C1QTNF1: variants seen among roughly 807,000 people sequenced by gnomAD.
The protein encoded by C1QTNF1 is complement C1q tumor necrosis factor-related protein 1.
C1QTNF1 carries 22 observed loss-of-function variants against 27.8 expected under a neutral mutation model. That is an observed-to-expected ratio of 0.79 (90% CI 0.56 to 1.13). The LOEUF is 1.13. C1QTNF1 is among the 50% of genes most tolerant of loss of function. The probability of loss-of-function intolerance (pLI) is 0.00; values close to 1 mark genes in which losing one functional copy is unlikely to be tolerated. For missense variants in C1QTNF1, 373 were observed against 380.2 expected, an observed-to-expected ratio of 0.98 and a Z score of 0.16; for synonymous variants, 166 against 154.3, an observed-to-expected ratio of 1.08 and a Z score of -0.56.
intron 1 of C1QTNF1, among the ~76,000 whole-genome samples, chr17:79,025,393 G>T (rs941550095): frequency 6.6e-6 from 1 of 152,140 alleles, no homozygotes; most frequent in Non-Finnish European, 1.5e-5. Flanking sequence ...GAGGGAGGGA[G>T]GAAGCCGCCC....
Position 79,047,419 on chromosome 17 carries a change from C to G in C1QTNF1, c.296-119C>G, listed in dbSNP as rs978161989. Reference sequence around the variant, plus strand: ...GCTGGGGGCAGGAGTGAAGCTTCTGCCAGGTCAGGGCTGTGAGGACGAATC... The same window carrying G: ...GCTGGGGGCAGGAGTGAAGCTTCTGGCAGGTCAGGGCTGTGAGGACGAATC... On this transcript the variant is annotated intron_variant, in intron 3 of 3. Coordinates refer to ENST00000579760, the MANE Select transcript of C1QTNF1 (RefSeq NM_030968.5). 17 of 1,027,492 alleles carry G rather than the reference C, an allele frequency of 1.7e-5. No individual in the cohort carries two copies. In the African/African-American group the frequency reaches 2.7e-4, roughly 16 times the overall value. The allele number at this position is 1,027,492 out of a possible 1,614,324, so 63.6% of individuals were successfully genotyped here. A position where few individuals can be genotyped will look rare whatever the true frequency, so the allele number is the denominator to read the frequency against.
At chr17:79,026,861 A>G (rs2071977649) in intron 1 of C1QTNF1, among the ~76,000 whole-genome samples, 1 of 152,176 alleles carries the variant, frequency 6.6e-6, no homozygotes, top group African/African-American at 2.4e-5. Flanking sequence ...CCCCCTTTTC[A>G]GGGCAACCAG....
chr17:79,027,066 G>C (rs866858094), intron 1 of C1QTNF1, among the ~76,000 whole-genome samples: 2 of 138,544 alleles, frequency 1.4e-5, no homozygotes, highest in Middle Eastern at 3.6e-3. Flanking sequence ...GTCCTCAGGG[G>C]TCCCTGTTCC....
At position 79,047,748 on chromosome 17, in the gene C1QTNF1, C is replaced by T. The variant is rs765364165; in HGVS notation, c.506C>T (p.Thr169Met). 9 of 1,614,054 alleles carry T rather than the reference C, an allele frequency of 5.6e-6. No homozygotes were observed. Among genetic ancestry groups the T allele is most frequent in the South Asian group, 3.3e-5 (3 of 91,082 alleles). ...NHYYQTVIFD[T>M]EFVNLYDHFN... ...TACTACCAGACGGTGATCTTCGACA[C>T]GGAGTTCGTGAACCTCTACGACCAC... is the stretch of plus-strand genomic sequence containing the variant. Residue 169 changes from threonine (T) to methionine (M), a missense_variant, in exon 4 of 4, where the codon ACG becomes ATG. By Grantham distance (81) the Thr-to-Met change is moderately conservative (BLOSUM62 -1). Coordinates refer to ENST00000579760, the MANE Select transcript of C1QTNF1 (RefSeq NM_030968.5).
chr17:79,042,202 C>T (rs561583534), intron 1 of C1QTNF1, among the ~76,000 whole-genome samples: 5 of 152,340 alleles, frequency 3.3e-5, no homozygotes, highest in African/African-American at 7.2e-5. Context: ...CTGTGCCCCT[C>T]GGTGGGGAGG....
chr17:79,025,633 C>T, intron 1 of C1QTNF1: 1 of 157,430 alleles, frequency 6.4e-6, no homozygotes, highest in Non-Finnish European at 1.4e-5. Context: ...CCCTGGCAGG[C>T]CGTGCAGCCA....
chr17:79,044,023 G>C lies in C1QTNF1; in HGVS notation c.55G>C (p.Ala19Pro). ...GGCGTACTGCCTGCTCCTTGCCTTT[G>C]CCTCTGGCCTGGTCCTGAGTCGTGT... is the stretch of plus-strand genomic sequence containing the variant. ...LLAYCLLLAF[A>P]SGLVLSRVPH... Residue 19 changes from alanine (A) to proline (P), a missense_variant, in exon 2 of 4, where the codon GCC (alanine) becomes CCC (proline). Transcript: ENST00000579760. 6.2e-7 allele frequency: 1 copy of C among 1,614,194 alleles called. No homozygotes were observed. Among genetic ancestry groups the C allele is most frequent in the Non-Finnish European group, 8.5e-7 (1 of 1,180,024 alleles).
At position 79,043,943 on chromosome 17, in the gene C1QTNF1, C is replaced by T. The variant is rs1324403629; in HGVS notation, c.-14-12C>T. On this transcript the variant is annotated splice_polypyrimidine_tract_variant and intron_variant, in intron 1 of 3. Transcript: ENST00000579760. ...AACTCGGTGCCTTCCCTGTGTGTTT[C>T]TTTCCCACCAGGGCCCGGCAGGAAG... The T allele has an allele frequency of 1.2e-6, 2 of 1,613,496 alleles. No homozygotes were observed.
At chr17:79,036,602 C>T (rs1246799737) in intron 1 of C1QTNF1, among the ~76,000 whole-genome samples, 2 of 152,200 alleles carry the variant, frequency 1.3e-5, no homozygotes, top group South Asian at 2.1e-4. Context: ...CTGTACCGGA[C>T]AGCACAGTTC....
At chr17:79,028,758 C>A (rs544924343) in intron 1 of C1QTNF1, among the ~76,000 whole-genome samples, 1 of 152,274 alleles carries the variant, frequency 6.6e-6, no homozygotes, top group South Asian at 2.1e-4. Context: ...TGTACCCCAG[C>A]ACATGGGTCT....
intron 1 of C1QTNF1, among the ~76,000 whole-genome samples, chr17:79,040,953 T>C (rs2072390620): frequency 6.6e-6 from 1 of 152,132 alleles, no homozygotes; most frequent in Non-Finnish European, 1.5e-5. Context: ...TTTTCTCATT[T>C]ACATATCTGC....
Position 79,047,542 on chromosome 17 carries a change from GA to G in C1QTNF1, c.302del (p.Lys101ArgfsTer65). ...GCGTTTTCCCATCCCTTTTAGGGGA[GA>G]AGGGTGACCGCGGAGATCGAGGCCT... ...QINITILKGEKGDRGDRGLQG... is the reference protein window; with the variant it reads ...QINITILKGEXGDRGDRGLQG... On this transcript the variant is annotated frameshift_variant, in exon 4 of 4. Coordinates refer to ENST00000579760, the MANE Select transcript of C1QTNF1 (RefSeq NM_030968.5). LOFTEE classifies it high-confidence loss of function. The G allele has an allele frequency of 6.6e-7, 1 of 1,524,892 alleles. No homozygotes were observed. The highest frequency in any genetic ancestry group is 8.8e-7 in the Non-Finnish European group (1 of 1,138,218). 94.5% of individuals were successfully genotyped at this position (1,524,892 alleles called of 1,614,324 possible).
chr17:79,047,225 T>C, intron 3 of C1QTNF1: 1 of 339,270 alleles, frequency 2.9e-6, no homozygotes, highest in Non-Finnish European at 5.3e-6. Context: ...TTCCATTTTC[T>C]TTTTTTTCTT....
At chr17:79,028,656 C>G (rs1034775109) in intron 1 of C1QTNF1, among the ~76,000 whole-genome samples, 2 of 152,194 alleles carry the variant, frequency 1.3e-5, no homozygotes, top group Admixed American at 6.5e-5. Flanking sequence ...GGGTCCTCCC[C>G]GTGTGGTGCG....
At chr17:79,027,049 G>T (rs1162569506) in intron 1 of C1QTNF1, among the ~76,000 whole-genome samples, 1 of 148,522 alleles carries the variant, frequency 6.7e-6, no homozygotes, top group Non-Finnish European at 1.5e-5. Context: ...CTTCCCATTT[G>T]TGTCTTGTCC....
At chr17:79,031,222 G>T (rs1190392854) in intron 1 of C1QTNF1, among the ~76,000 whole-genome samples, 1 of 148,716 alleles carries the variant, frequency 6.7e-6, no homozygotes, top group East Asian at 2.1e-4. Flanking sequence ...AGCCAGGATG[G>T]TCTCCATCTC....
chr17:79,038,241 T>C (rs143229211), intron 1 of C1QTNF1, among the ~76,000 whole-genome samples: 3,566 of 152,202 alleles, frequency 0.023, 114 homozygotes, highest in African/African-American at 0.081. Flanking sequence ...CCACCTGCCT[T>C]GGCCTCCCAA....
Position 79,044,106 on chromosome 17 carries a change from T to C in C1QTNF1, c.138T>C (p.Pro46=). ...AGGGGACTGAGGAGCTGCCGTCGCCTCCGGACCATGCCGAGAGGTGAGGGG... is the reference window on the plus strand; with the variant it reads ...AGGGGACTGAGGAGCTGCCGTCGCCCCCGGACCATGCCGAGAGGTGAGGGG... ...EWEGTEELPS[P]PDHAERAEEQ... Residue 46 remains proline, a synonymous_variant, in exon 2 of 4, where the codon CCT becomes CCC. Coordinates refer to ENST00000579760, the MANE Select transcript of C1QTNF1 (RefSeq NM_030968.5). The C allele has an allele frequency of 3.1e-6, 5 of 1,610,768 alleles. No individual in the cohort carries two copies. The highest frequency in any genetic ancestry group is 4.2e-6 in the Non-Finnish European group (5 of 1,178,118).
intron 1 of C1QTNF1, among the ~76,000 whole-genome samples, chr17:79,036,292 A>G (rs2072262966): frequency 6.6e-6 from 1 of 152,200 alleles, no homozygotes. Flanking sequence ...CTCTTGCCTC[A>G]GCCTCCAGAG....
Sources: gnomAD v4.1 joint callset for allele counts (sites outside exome capture counted in the v4.1 genomes callset) on GRCh38, gnomAD v4.1.1 for gene constraint, MANE v1.5 for transcripts, NCBI Gene and HGNC (gene_info 2026-07-23, HGNC 2026-07-21) for gene names.